The following TTC39C variants were observed in gnomAD, a reference collection of about 807,000 sequenced individuals.
TTC39C encodes the protein tetratricopeptide repeat protein 39C.
A neutral mutation model predicts 76.3 loss-of-function variants in TTC39C; 33 were observed. The ratio of observed to expected loss-of-function variants is 0.43; its 90% CI spans 0.33 to 0.58. TTC39C has a LOEUF of 0.58. TTC39C is among the 20% of genes least tolerant of loss of function. The pLI is 0.04. For synonymous variants in TTC39C, 254 were observed against 260.6 expected (o/e 0.97, Z 0.24); for missense variants, 595 against 701.4 (o/e 0.85, Z 1.71).
intron 1 of TTC39C, among the ~76,000 whole-genome samples, chr18:24,023,732 T>C (rs1245548508): frequency 6.6e-6 from 1 of 151,820 alleles, no homozygotes; most frequent in African/African-American, 2.4e-5. Context: ...AACTGGTCTC[T>C]GGGAGAATCT....
At chr18:24,114,501 G>A (rs952175196) in intron 6 of TTC39C, 53 bp from the exon 7 acceptor site, 1 of 1,292,480 alleles carries the variant, frequency 7.7e-7, no homozygotes, top group Non-Finnish European at 1.1e-6. Context: ...TATGATGATT[G>A]TAATGTTATC....
intron 8 of TTC39C, among the ~76,000 whole-genome samples, chr18:24,123,082 G>C (rs566065795): frequency 6.6e-6 from 1 of 152,338 alleles, no homozygotes; most frequent in Non-Finnish European, 1.5e-5. Flanking sequence ...AACTTGGACA[G>C]GACAGATTGA....
At chr18:24,118,341 C>G (rs2084922331) in intron 8 of TTC39C, 109 bp downstream of exon 8, 1 of 721,134 alleles carries the variant, frequency 1.4e-6, no homozygotes, top group Non-Finnish European at 2.3e-6. Context: ...TGTACCCCTC[C>G]ACAGCCTTCC....
At chr18:24,010,599 A>G (rs533288034), upstream of TTC39C, among the ~76,000 whole-genome samples, 1 of 152,322 alleles carries the variant, frequency 6.6e-6, no homozygotes, top group South Asian at 2.1e-4. Flanking sequence ...AGAATTCCAA[A>G]CATTTTGGGA....
intron 6 of TTC39C, among the ~76,000 whole-genome samples, chr18:24,109,213 C>G (rs1360793339): frequency 7.6e-6 from 1 of 131,358 alleles, no homozygotes; most frequent in Non-Finnish European, 1.6e-5. Flanking sequence ...AAAAATTAGC[C>G]AGATTGGTGG....
intron 6 of TTC39C, chr18:24,113,708 A>G (rs1176971489): frequency 2.8e-6 from 2 of 701,988 alleles, no homozygotes; most frequent in Non-Finnish European, 5.2e-6. Flanking sequence ...GATTAAACTG[A>G]TGCTTTGAAT....
chr18:24,022,796 C>T (rs1450622656), intron 1 of TTC39C: 3 of 985,248 alleles, frequency 3.0e-6, no homozygotes, highest in Non-Finnish European at 2.4e-6. Context: ...GTCCTGCTGC[C>T]CTTGTCCCTT....
intron 7 of TTC39C, among the ~76,000 whole-genome samples, chr18:24,117,282 T>C (rs2084905694): frequency 6.6e-6 from 1 of 152,294 alleles, no homozygotes; most frequent in Non-Finnish European, 1.5e-5. Context: ...CTGCAGTTCC[T>C]TACTAGAATG....
intron 1 of TTC39C, among the ~76,000 whole-genome samples, chr18:24,038,170 G>T (rs184887887): frequency 1.8e-4 from 28 of 152,250 alleles, no homozygotes; most frequent in African/African-American, 6.7e-4. Flanking sequence ...TGCCGACTGT[G>T]TTTAAATTAT....
chr18:24,053,869 A>G (rs974441962), intron 1 of TTC39C, among the ~76,000 whole-genome samples: 2 of 152,180 alleles, frequency 1.3e-5, no homozygotes, highest in African/African-American at 4.8e-5. Context: ...ACTCCTTATT[A>G]TAAAACCCTT....
At chr18:24,020,578 G>A (rs12964969) in intron 1 of TTC39C, among the ~76,000 whole-genome samples, 4 of 152,144 alleles carry the variant, frequency 2.6e-5, no homozygotes, top group South Asian at 2.1e-4. Flanking sequence ...AGAAAATGGC[G>A]CAGTATTTGC....
At chr18:24,007,193 A>G (rs1370915135) in intron 1 of TTC39C, among the ~76,000 whole-genome samples, 1 of 152,246 alleles carries the variant, frequency 6.6e-6, no homozygotes, top group Non-Finnish European at 1.5e-5. Context: ...TTATATTAGC[A>G]ATGCATATGT....
chr18:24,056,714 CAG>C (rs2084020982), intron 1 of TTC39C, among the ~76,000 whole-genome samples: 1 of 152,032 alleles, frequency 6.6e-6, no homozygotes, highest in African/African-American at 2.4e-5. Flanking sequence ...GTGACTCATA[CAG>C]AGAGAAAATT....
chr18:24,093,620 G>A (rs746791046), intron 6 of TTC39C, among the ~76,000 whole-genome samples: 20 of 152,100 alleles, frequency 1.3e-4, no homozygotes, highest in Non-Finnish European at 1.9e-4. Flanking sequence ...GAGACATTGC[G>A]GGTTTGGTTC....
chr18:24,001,963 C>A (rs2083316709), intron 1 of TTC39C, among the ~76,000 whole-genome samples: 1 of 151,788 alleles, frequency 6.6e-6, no homozygotes, highest in East Asian at 1.9e-4. Flanking sequence ...GTAGCTGGGA[C>A]TACAGGCGCC....
At chr18:24,006,892 G>T (rs1035907129) in intron 1 of TTC39C, among the ~76,000 whole-genome samples, 1 of 152,166 alleles carries the variant, frequency 6.6e-6, no homozygotes, top group African/African-American at 2.4e-5. Context: ...CTCTAGGGCA[G>T]GGGCCTTGTC....
intron 6 of TTC39C, among the ~76,000 whole-genome samples, chr18:24,110,437 A>G (rs769511418): frequency 2.2e-4 from 33 of 152,232 alleles, no homozygotes; most frequent in Non-Finnish European, 4.6e-4. Context: ...AAGAAGAGAC[A>G]GTACTGTCAC....
intron 1 of TTC39C, among the ~76,000 whole-genome samples, chr18:24,023,995 TATATA>T (rs1568409070): frequency 1.5e-4 from 1 of 6,484 alleles, no homozygotes; most frequent in East Asian, 2.8e-3. Flanking sequence ...TATATATATA[TATATA>T]TATATATATA....
chr18:24,094,953 C>G (rs1460026704), intron 6 of TTC39C, among the ~76,000 whole-genome samples: 8 of 152,206 alleles, frequency 5.3e-5, no homozygotes, highest in Non-Finnish European at 1.0e-4. Context: ...GCTTTGAAGC[C>G]AAACATGGAC....
Sources: allele counts gnomAD v4.1 joint callset (sites outside exome capture counted in the v4.1 genomes callset), GRCh38; gene constraint gnomAD v4.1.1; transcripts MANE v1.5; gene names NCBI Gene and HGNC (gene_info 2026-07-23, HGNC 2026-07-21).